The following PUS10 variants were observed in gnomAD, a reference collection of about 807,000 sequenced individuals.
PUS10 encodes pseudouridine synthase 10.
In PUS10, 59 loss-of-function variants were observed where a neutral mutation model predicts 75.0. That is an observed-to-expected ratio of 0.79 (90% CI 0.64 to 0.98). PUS10 has a LOEUF of 0.98. PUS10 is among the 50% of genes least tolerant of loss of function. PUS10 has a pLI of 0.00. For missense variants in PUS10, 650 were observed against 614.4 expected (o/e 1.06, Z -0.61); for synonymous variants, 219 against 211.6 (o/e 1.03, Z -0.30).
intron 4 of PUS10, among the ~76,000 whole-genome samples, chr2:60,987,386 G>T (rs920095501): frequency 3.3e-5 from 5 of 152,114 alleles, no homozygotes; most frequent in African/African-American, 9.7e-5. Context: ...TTGCAAGGAA[G>T]AGAGGAAGGG....
intron 16 of PUS10, among the ~76,000 whole-genome samples, chr2:60,946,217 A>C (rs1193051824): frequency 6.6e-6 from 1 of 152,256 alleles, no homozygotes; most frequent in African/African-American, 2.4e-5. Flanking sequence ...AAATGTCCAG[A>C]GAGGTTCTTA....
Position 60,948,067 on chromosome 2 carries a change from A to C in PUS10, c.1427T>G (p.Leu476Arg). 1.9e-6 allele frequency: 3 copies of C among 1,614,118 alleles called. No homozygotes were observed. The highest frequency in any genetic ancestry group is 2.5e-6 in the Non-Finnish European group (3 of 1,179,988). ...CGTGCCAGCCTGAGTTTTCAAGTGGAGGCGGAAGTGGTGCTCATCCACGTA... is the reference window on the plus strand; with the variant it reads ...CGTGCCAGCCTGAGTTTTCAAGTGGCGGCGGAAGTGGTGCTCATCCACGTA... ...TQYVDEHHFRLHLKTQAGTYI... is the reference protein window; with the variant it reads ...TQYVDEHHFRRHLKTQAGTYI... The change falls in exon 16 of 18, where the codon CTC becomes CGC. Residue 476 changes from leucine to arginine, a missense_variant. By Grantham distance (102) the Leu-to-Arg change is moderately radical. Coordinates refer to ENST00000316752, the MANE Select transcript of PUS10 (RefSeq NM_144709.4).
chr2:60,959,017 A>C (rs1428357443), intron 11 of PUS10, among the ~76,000 whole-genome samples: 1 of 152,184 alleles, frequency 6.6e-6, no homozygotes, highest in Non-Finnish European at 1.5e-5. Context: ...GCTGCCTTTG[A>C]CCTGACAGGC....
At chr2:60,958,622 G>A (rs1281692265) in intron 11 of PUS10, among the ~76,000 whole-genome samples, 1 of 152,168 alleles carries the variant, frequency 6.6e-6, no homozygotes, top group African/African-American at 2.4e-5. Context: ...GGTGGTTCAC[G>A]CCTGTAATCT....
intron 11 of PUS10, 33 bp from the exon 12 acceptor site, chr2:60,955,107 A>G: frequency 7.3e-7 from 1 of 1,372,440 alleles, no homozygotes; most frequent in South Asian, 1.2e-5. Context: ...AAAAAATTAG[A>G]GACATCATAG....
In PUS10 at chr2:61,018,106, G is replaced by A. The variant is rs1039329220; in HGVS notation, c.-114C>T. ...CCTGGGCGTCTCTCTGGGTCTCTGT[G>A]CTTGAAAGAAAGGGGGGCGGCTTCC... On this transcript the variant is annotated 5_prime_UTR_variant, in exon 1 of 18. Transcript: ENST00000316752. 1.3e-6 allele frequency: 2 copies of A among 1,545,852 alleles called. No homozygotes were observed. The highest frequency in any genetic ancestry group is 1.7e-6 in the Non-Finnish European group (2 of 1,145,040).
At chr2:61,003,496 G>A in intron 4 of PUS10, among the ~76,000 whole-genome samples, 1 of 151,194 alleles carries the variant, frequency 6.6e-6, no homozygotes, top group East Asian at 1.9e-4. Flanking sequence ...TCATCAGAAA[G>A]GGATTCGTAG....
Position 60,942,374 on chromosome 2 carries a change from C to A in PUS10, c.*21G>T. The A allele has an allele frequency of 6.2e-7, 1 of 1,610,040 alleles. No homozygotes were observed. The highest frequency in any genetic ancestry group is 1.1e-5 in the South Asian group (1 of 91,006). On this transcript the variant is annotated 3_prime_UTR_variant, in exon 18 of 18. Transcript: ENST00000316752. ...CACATCATGCCAGGAAAACCATACT[C>A]TTTGTCTCCAAATTTGAAAGCTAGT... is the stretch of plus-strand genomic sequence containing the variant.
chr2:60,952,971 A>G (rs201238304), intron 15 of PUS10, 26 bp downstream of exon 15: 3 of 1,196,190 alleles, frequency 2.5e-6, no homozygotes, highest in East Asian at 4.7e-5. Flanking sequence ...AAAATGAAAT[A>G]AAAAGAATAA....
intron 4 of PUS10, among the ~76,000 whole-genome samples, chr2:60,990,322 T>C (rs112827619): frequency 1.1e-3 from 174 of 152,186 alleles, no homozygotes; most frequent in African/African-American, 4.0e-3. Context: ...TAAAAAAAAA[T>C]TGCATGAAGA....
intron 4 of PUS10, among the ~76,000 whole-genome samples, chr2:60,973,487 A>G (rs532380270): frequency 3.2e-4 from 48 of 152,364 alleles, no homozygotes; most frequent in African/African-American, 9.6e-4. Context: ...CAGCCCAGCC[A>G]GGTGTGTGCA....
chr2:60,970,853 A>G (rs901385275), intron 5 of PUS10, among the ~76,000 whole-genome samples: 2 of 152,190 alleles, frequency 1.3e-5, no homozygotes, highest in East Asian at 1.9e-4. Flanking sequence ...TTTATGACAT[A>G]GTTTTATAGT....
At chr2:60,989,817 C>T (rs1346300078) in intron 4 of PUS10, among the ~76,000 whole-genome samples, 2 of 151,848 alleles carry the variant, frequency 1.3e-5, no homozygotes, top group African/African-American at 4.8e-5. Flanking sequence ...TAGAGATGGG[C>T]TTTCACCATG....
chr2:60,960,355 AAAAAAGAAAGAAAAG>A (rs1174203951), intron 11 of PUS10, 22 bp downstream of exon 11: 2 of 1,471,590 alleles, frequency 1.4e-6, no homozygotes, highest in East Asian at 5.2e-5. Context: ...AAAAAAAAAA[AAAAAAGAAAGAAAAG>A]TATGAAGATC....
At chr2:61,012,015 G>A (rs1679639553) in intron 1 of PUS10, 110 bp from the exon 2 acceptor site, 1 of 746,622 alleles carries the variant, frequency 1.3e-6, no homozygotes, top group African/African-American at 1.8e-5. Context: ...ACACTATTGT[G>A]TACTCTCTAA....
At chr2:61,017,931 G>T in intron 1 of PUS10, 77 bp downstream of exon 1, 2 of 1,432,900 alleles carry the variant, frequency 1.4e-6, no homozygotes, top group South Asian at 2.5e-5. Context: ...GCGGTTGTTA[G>T]TGGAGGTATT....
intron 4 of PUS10, among the ~76,000 whole-genome samples, chr2:60,978,124 C>T (rs1484417863): frequency 6.6e-6 from 1 of 151,936 alleles, no homozygotes; most frequent in Non-Finnish European, 1.5e-5. Flanking sequence ...GGATCAGCTA[C>T]TTACAATTCA....
chr2:61,002,417 A>G (rs1678913249), intron 4 of PUS10, among the ~76,000 whole-genome samples: 1 of 152,206 alleles, frequency 6.6e-6, no homozygotes, highest in Non-Finnish European at 1.5e-5. Context: ...GATATTATAC[A>G]GTATACTTCT....
intron 17 of PUS10, 92 bp from the exon 18 acceptor site, chr2:60,942,525 A>G: frequency 1.0e-6 from 1 of 974,394 alleles, no homozygotes; most frequent in Non-Finnish European, 1.6e-6. Flanking sequence ...GTTTTAATAT[A>G]GTGCAACAGA....
Sources: allele counts gnomAD v4.1 joint callset (sites outside exome capture counted in the v4.1 genomes callset), GRCh38; gene constraint gnomAD v4.1.1; transcripts MANE v1.5; gene names NCBI Gene and HGNC (gene_info 2026-07-23, HGNC 2026-07-21).